Variants in LRRC20 observed in about 807,000 individuals in gnomAD.
LRRC20 encodes leucine-rich repeat-containing protein 20.
Under a neutral mutation model 14.4 loss-of-function variants are expected in LRRC20, and 11 were observed. That is an observed-to-expected ratio of 0.77 (90% CI 0.48 to 1.27). The LOEUF (loss-of-function observed/expected upper bound fraction) is 1.27, where lower values mean the gene tolerates loss of function less well. LRRC20 is among the 50% of genes most tolerant of loss of function. LRRC20 has a pLI of 0.00. For synonymous variants in LRRC20, 121 were observed against 107.3 expected (o/e 1.13, Z -0.79); for missense variants, 219 against 251.2 (o/e 0.87, Z 0.87).
At chr10:70,327,794 A>G (rs374684492) in intron 3 of LRRC20, among the ~76,000 whole-genome samples, 10 of 151,482 alleles carry the variant, frequency 6.6e-5, no homozygotes, top group East Asian at 3.9e-4. Flanking sequence ...TCCTCTCCCA[A>G]CCCCCAAACC....
At chr10:70,364,393 C>T (rs908693787) in intron 2 of LRRC20, among the ~76,000 whole-genome samples, 1 of 152,248 alleles carries the variant, frequency 6.6e-6, no homozygotes, top group African/African-American at 2.4e-5. Context: ...GCCCTCCAGG[C>T]AGGGCACACA....
chr10:70,304,248 G>A (rs549838939), intron 4 of LRRC20, among the ~76,000 whole-genome samples: 2 of 151,896 alleles, frequency 1.3e-5, no homozygotes, highest in Non-Finnish European at 2.9e-5. Flanking sequence ...AGCACAGGAC[G>A]GGGCCAGACC....
At chr10:70,347,083 A>G (rs1843100162) in intron 2 of LRRC20, among the ~76,000 whole-genome samples, 1 of 152,114 alleles carries the variant, frequency 6.6e-6, no homozygotes, top group Admixed American at 6.6e-5. Context: ...ACAGTGTTTC[A>G]CCATGCTGCC....
At chr10:70,340,018 G>T (rs1436851723) in intron 3 of LRRC20, among the ~76,000 whole-genome samples, 1 of 152,032 alleles carries the variant, frequency 6.6e-6, no homozygotes, top group Non-Finnish European at 1.5e-5. Flanking sequence ...CTACTTGGGA[G>T]GCTGAGGCAG....
chr10:70,353,958 G>T (rs1400010007), intron 2 of LRRC20, among the ~76,000 whole-genome samples: 1 of 152,164 alleles, frequency 6.6e-6, no homozygotes, highest in East Asian at 1.9e-4. Context: ...AGAGTTGAAA[G>T]AGCTGGTGAA....
At chr10:70,302,911 C>T (rs1841267433) in intron 4 of LRRC20, among the ~76,000 whole-genome samples, 2 of 151,826 alleles carry the variant, frequency 1.3e-5, no homozygotes, top group African/African-American at 4.8e-5. Flanking sequence ...GGGGTTTCAC[C>T]GTGTTAGCCA....
chr10:70,309,504 G>A (rs945819907), intron 4 of LRRC20, among the ~76,000 whole-genome samples: 5 of 152,216 alleles, frequency 3.3e-5, no homozygotes, highest in South Asian at 2.1e-4. Flanking sequence ...ACTGGCCCCC[G>A]GCCCCCAGAA....
At chr10:70,376,128 A>G (rs1210120069) in intron 2 of LRRC20, among the ~76,000 whole-genome samples, 1 of 152,110 alleles carries the variant, frequency 6.6e-6, no homozygotes, top group African/African-American at 2.4e-5. Context: ...GGCGCCCAGC[A>G]CGGGGCCTGG....
At chr10:70,335,856 T>C (rs1166508546) in intron 3 of LRRC20, among the ~76,000 whole-genome samples, 1 of 152,236 alleles carries the variant, frequency 6.6e-6, no homozygotes, top group East Asian at 1.9e-4. Context: ...CTCCTACTTA[T>C]CTGTCAAATC....
In LRRC20 at chr10:70,376,454, A is replaced by C; in HGVS notation, c.80T>G (p.Leu27Arg). ...GGAAAAGCCCTGCCCTCACTCACCC[A>C]GAGTGTCAGAGCCGCTCTCCACCGT... ...NETVESGSDTLDLAECKLVSF... is the reference protein window; with the variant it reads ...NETVESGSDTRDLAECKLVSF... Residue 27 changes from leucine to arginine, a missense_variant and splice_region_variant, in exon 2 of 5, where the codon CTG (leucine) becomes CGG (arginine). By Grantham distance (102) the Leu-to-Arg change is moderately radical. Transcript: ENST00000446961. 1 of 1,614,018 alleles carries C rather than the reference A, an allele frequency of 6.2e-7. No individual in the cohort carries two copies. Among genetic ancestry groups the C allele is most frequent in the Non-Finnish European group, 8.5e-7 (1 of 1,179,980 alleles).
intron 4 of LRRC20, among the ~76,000 whole-genome samples, chr10:70,305,483 C>T (rs1841386192): frequency 1.3e-5 from 2 of 152,186 alleles, no homozygotes; most frequent in Admixed American, 1.3e-4. Flanking sequence ...CTCTGATCTT[C>T]TTCATCATTA....
intron 3 of LRRC20, among the ~76,000 whole-genome samples, chr10:70,328,530 C>G (rs1261949919): frequency 6.6e-6 from 1 of 152,212 alleles, no homozygotes; most frequent in Non-Finnish European, 1.5e-5. Flanking sequence ...CTCCTGACCA[C>G]AGGTGATACA....
intron 2 of LRRC20, among the ~76,000 whole-genome samples, chr10:70,369,605 C>CAAAAAA (rs71009298): frequency 2.9e-5 from 2 of 68,564 alleles, no homozygotes; most frequent in Non-Finnish European, 5.1e-5. Flanking sequence ...GACGCTGTCT[C>CAAAAAA]AAAAAAAAAA....
chr10:70,348,573 C>T lies in LRRC20; in HGVS notation c.83-7871G>A, dbSNP rs150433297. Among the ~76,000 whole-genome samples, 331 of 152,276 alleles carry T rather than the reference C, an allele frequency of 2.2e-3. 3 individuals carry two copies. Among genetic ancestry groups the T allele is most frequent in the African/African-American group, 7.2e-3 (299 of 41,560 alleles). ...CAGGTCATATAGCTAGAAGTGAGGA[C>T]GGGGAGATTTGGATCCAGGTTAGGT... On this transcript the variant is annotated intron_variant, in intron 2 of 4. Transcript: ENST00000446961.
chr10:70,310,376 T>C (rs1254182618), intron 4 of LRRC20, among the ~76,000 whole-genome samples: 2 of 152,188 alleles, frequency 1.3e-5, no homozygotes, highest in Non-Finnish European at 2.9e-5. Context: ...CTGGACTTTG[T>C]TGTGGAGAGG....
chr10:70,350,261 G>T (rs1293114527), intron 2 of LRRC20, among the ~76,000 whole-genome samples: 2 of 152,326 alleles, frequency 1.3e-5, no homozygotes, highest in Admixed American at 6.5e-5. Context: ...CACCTGGGCT[G>T]CAGCAGGGAA....
intron 4 of LRRC20, among the ~76,000 whole-genome samples, chr10:70,313,273 CT>C (rs1841737128): frequency 6.6e-6 from 1 of 152,240 alleles, no homozygotes; most frequent in Admixed American, 6.5e-5. Context: ...TTCCCACAGG[CT>C]GCTCTCAGGC....
intron 2 of LRRC20, among the ~76,000 whole-genome samples, chr10:70,357,674 G>A (rs1040194286): frequency 2.0e-5 from 3 of 152,076 alleles, no homozygotes; most frequent in Non-Finnish European, 4.4e-5. Flanking sequence ...CCTCCTTCCT[G>A]GCAAGCCAGT....
intron 4 of LRRC20, among the ~76,000 whole-genome samples, chr10:70,306,368 T>C (rs1425378514): frequency 2.0e-5 from 3 of 152,194 alleles, no homozygotes; most frequent in Admixed American, 6.5e-5. Flanking sequence ...CCAGAGCCAG[T>C]CTGGAATCAA....
Sources: gnomAD v4.1 joint callset for allele counts (sites outside exome capture counted in the v4.1 genomes callset) on GRCh38, gnomAD v4.1.1 for gene constraint, MANE v1.5 for transcripts, NCBI Gene and HGNC (gene_info 2026-07-23, HGNC 2026-07-21) for gene names.